Variants in STK38L observed in about 807,000 individuals in gnomAD.
The protein encoded by STK38L is serine/threonine kinase 38 like.
Under a neutral mutation model 59.7 loss-of-function variants are expected in STK38L, and 28 were observed. That is an observed-to-expected ratio of 0.47 (90% CI 0.35 to 0.64). The LOEUF is 0.64. STK38L is among the 30% of genes least tolerant of loss of function. The pLI is 0.01. For synonymous variants in STK38L, 162 were observed against 176.8 expected (o/e 0.92, Z 0.66); for missense variants, 314 against 555.8 (o/e 0.56, Z 4.37).
chr12:27,245,385 C>G (rs1002312827), intron 1 of STK38L, among the ~76,000 whole-genome samples: 1 of 152,192 alleles, frequency 6.6e-6, no homozygotes, highest in South Asian at 2.1e-4. Context: ...AGTTCTGCCT[C>G]TTGATTGTAA....
chr12:27,280,997 G>A (rs17496568), intron 1 of STK38L, among the ~76,000 whole-genome samples: 5,178 of 151,250 alleles, frequency 0.034, 110 homozygotes, highest in South Asian at 0.093. Flanking sequence ...AGGTGATCAT[G>A]TAAGAGAAGA....
At chr12:27,292,790 T>G (rs993738566) in intron 1 of STK38L, among the ~76,000 whole-genome samples, 6 of 152,230 alleles carry the variant, frequency 3.9e-5, no homozygotes, top group African/African-American at 1.4e-4. Flanking sequence ...AATATTTCAT[T>G]ACTTGACATC....
intron 6 of STK38L, 61 bp downstream of exon 6, chr12:27,312,733 AATTTT>A (rs1351511764): frequency 3.2e-6 from 5 of 1,577,404 alleles, no homozygotes; most frequent in Admixed American, 1.8e-5. Context: ...ATGCAACAAT[AATTTT>A]ATTGGTGAGG....
At chr12:27,306,970 C>T (rs1255116428) in intron 3 of STK38L, among the ~76,000 whole-genome samples, 2 of 152,084 alleles carry the variant, frequency 1.3e-5, no homozygotes, top group Non-Finnish European at 2.9e-5. Context: ...ACTTCATGAT[C>T]CATCCACCTC....
In STK38L at chr12:27,324,459, T is replaced by A. The variant is rs1944797966; in HGVS notation, c.*2004T>A. On this transcript the variant is annotated 3_prime_UTR_variant, in exon 14 of 14. Coordinates refer to ENST00000389032, the MANE Select transcript of STK38L (RefSeq NM_015000.4). ...TCTAGTTCTAGTATGGTAACTATTC[T>A]TGAAATGGTATTGAAAAATACCGTT... The A allele has an allele frequency of 6.6e-6, 1 of 152,136 alleles. No homozygotes were observed. The highest frequency in any genetic ancestry group is 1.5e-5 in the Non-Finnish European group (1 of 67,950). The allele number at this position is 152,136 out of a possible 1,614,324, so 9.4% of individuals were successfully genotyped here.
At chr12:27,271,776 T>G (rs1432482036) in intron 1 of STK38L, among the ~76,000 whole-genome samples, 1 of 152,220 alleles carries the variant, frequency 6.6e-6, no homozygotes, top group East Asian at 1.9e-4. Context: ...CTCGTCTCAC[T>G]GCATCTTCCG....
chr12:27,306,666 T>C (rs1224809493), intron 3 of STK38L, among the ~76,000 whole-genome samples: 5 of 150,700 alleles, frequency 3.3e-5, no homozygotes, highest in African/African-American at 1.2e-4. Flanking sequence ...GTAGCTTCCC[T>C]TAAAGAAAGC....
intron 1 of STK38L, among the ~76,000 whole-genome samples, chr12:27,296,817 C>G (rs1944036169): frequency 6.6e-6 from 1 of 152,188 alleles, no homozygotes; most frequent in Non-Finnish European, 1.5e-5. Flanking sequence ...TTCAGTCTTC[C>G]CCCCGTCAAG....
At chr12:27,298,950 C>A (rs1944097638) in intron 2 of STK38L, among the ~76,000 whole-genome samples, 1 of 152,102 alleles carries the variant, frequency 6.6e-6, no homozygotes, top group African/African-American at 2.4e-5. Context: ...TAGAAAGGAA[C>A]TTTAGTTGTG....
intron 1 of STK38L, among the ~76,000 whole-genome samples, chr12:27,290,263 A>G (rs1313048646): frequency 6.6e-6 from 1 of 152,222 alleles, no homozygotes; most frequent in Non-Finnish European, 1.5e-5. Flanking sequence ...CAGAAAGTTT[A>G]AAGTTTAATT....
chr12:27,323,619 C>A lies in STK38L; in HGVS notation c.*1164C>A, dbSNP rs1944780421. ...TTCCTGTGGGCATGCTGTATTCAGA[C>A]CTGACAGATCTTTGATAGAGGTCAG... is the stretch of plus-strand genomic sequence containing the variant. On this transcript the variant is annotated 3_prime_UTR_variant, in exon 14 of 14. Coordinates refer to ENST00000389032, the MANE Select transcript of STK38L (RefSeq NM_015000.4). The A allele has an allele frequency of 1.3e-5, 2 of 152,466 alleles. No individual in the cohort carries two copies. The highest frequency in any genetic ancestry group is 1.3e-4 in the Admixed American group (2 of 15,262). 9.4% of individuals were successfully genotyped at this position (152,466 alleles called of 1,614,324 possible). A position where few individuals can be genotyped will look rare whatever the true frequency, so the allele number is the denominator to read the frequency against.
chr12:27,299,618 A>T (rs1181154595), intron 2 of STK38L, among the ~76,000 whole-genome samples: 1 of 152,208 alleles, frequency 6.6e-6, no homozygotes, highest in Non-Finnish European at 1.5e-5. Flanking sequence ...ACAGCAGAAT[A>T]TAATTCAGGA....
chr12:27,293,675 C>G (rs1489549587), intron 1 of STK38L: 1 of 152,016 alleles, frequency 6.6e-6, no homozygotes, highest in Non-Finnish European at 1.5e-5. Context: ...CAGCTCCCTC[C>G]AAGGCCAAAC....
intron 3 of STK38L, among the ~76,000 whole-genome samples, chr12:27,303,335 TG>T (rs1271176354): frequency 2.0e-5 from 3 of 151,700 alleles, no homozygotes; most frequent in Non-Finnish European, 4.4e-5. Flanking sequence ...GCTATGATCA[TG>T]TCACTTCACT....
chr12:27,278,901 A>G (rs1201061164), intron 1 of STK38L, among the ~76,000 whole-genome samples: 1 of 152,194 alleles, frequency 6.6e-6, no homozygotes, highest in Admixed American at 6.5e-5. Context: ...CAAAATCTCA[A>G]CAGTAATTTA....
At chr12:27,294,178 T>C (rs1443868659) in intron 1 of STK38L, among the ~76,000 whole-genome samples, 1 of 152,218 alleles carries the variant, frequency 6.6e-6, no homozygotes, top group Non-Finnish European at 1.5e-5. Context: ...CTGCAAATTG[T>C]ACACCTGTCC....
At chr12:27,275,342 C>CTTTT (rs34162442) in intron 1 of STK38L, among the ~76,000 whole-genome samples, 2 of 124,790 alleles carry the variant, frequency 1.6e-5, no homozygotes, top group Non-Finnish European at 1.6e-5. Context: ...TAGACTGCAT[C>CTTTT]TTTTTTTTTT....
intron 2 of STK38L, chr12:27,298,222 G>C (rs1782246278): frequency 6.3e-6 from 1 of 157,950 alleles, no homozygotes; most frequent in South Asian, 1.9e-4. Flanking sequence ...CAGATCACCT[G>C]AGGTCAGGAG....
intron 1 of STK38L, among the ~76,000 whole-genome samples, chr12:27,267,963 A>C (rs1352633421): frequency 1.3e-5 from 2 of 152,204 alleles, no homozygotes; most frequent in Admixed American, 1.3e-4. Flanking sequence ...TCATGCATTC[A>C]AGATGCATGT....
Sources: gnomAD v4.1 joint callset for allele counts (sites outside exome capture counted in the v4.1 genomes callset) on GRCh38, gnomAD v4.1.1 for gene constraint, MANE v1.5 for transcripts, NCBI Gene and HGNC (gene_info 2026-07-23, HGNC 2026-07-21) for gene names.